The following COL6A5 variants were observed in gnomAD, a reference collection of about 807,000 sequenced individuals.
COL6A5 encodes the protein collagen type VI alpha 5 chain.
A neutral mutation model predicts 65.6 loss-of-function variants in COL6A5; 48 were observed. The ratio of observed to expected loss-of-function variants is 0.73; its 90% CI spans 0.58 to 0.93. The LOEUF is 0.93. Among genes scored for constraint, COL6A5 ranks in the 40% least tolerant of loss-of-function variants. The pLI, the probability that COL6A5 is intolerant of heterozygous loss-of-function variation, is 0.00. For synonymous variants in COL6A5, 291 were observed against 322.8 expected (o/e 0.90, Z 1.05); for missense variants, 914 against 928.3 (o/e 0.98, Z 0.20).
intron 7 of COL6A5, among the ~76,000 whole-genome samples, chr3:130,477,765 A>C (rs1710135674): frequency 6.6e-6 from 1 of 152,086 alleles, no homozygotes; most frequent in South Asian, 2.1e-4. Context: ...AGACTTCTTT[A>C]ATAGGGGTCC....
chr3:130,466,672 C>T (rs1709825060), intron 5 of COL6A5, among the ~76,000 whole-genome samples: 1 of 151,626 alleles, frequency 6.6e-6, no homozygotes, highest in Non-Finnish European at 1.5e-5. Flanking sequence ...TCAATAAACC[C>T]AAAAGTTGTT....
chr3:130,404,710 T>C (rs1338088767), intron 13 of COL6A5, among the ~76,000 whole-genome samples: 1 of 152,210 alleles, frequency 6.6e-6, no homozygotes, highest in Non-Finnish European at 1.5e-5. Flanking sequence ...CCTGTGGCCA[T>C]GGGCAAGGCC....
In COL6A5 at chr3:130,398,122, G is replaced by GTTT. The variant is rs1378073311; in HGVS notation, c.3991+13_3991+14insTTT. ...GGCTCAGAGAAGCAGGTATTGAGTTGTTGTTGTTTTTTTTTTTTTTTTTTT... is the reference window on the plus strand; with the variant it reads ...GGCTCAGAGAAGCAGGTATTGAGTTGTTTTTGTTGTTTTTTTTTTTTTTTTTTT... On this transcript the variant is annotated intron_variant and NMD_transcript_variant, in intron 10 of 41. Coordinates refer to the COL6A5 transcript ENST00000312481. 4.3e-6 allele frequency: 5 copies of GTTT among 1,161,734 alleles called. No homozygotes were observed. The highest frequency in any genetic ancestry group is 1.8e-5 in the African/African-American group (1 of 54,808). 72.0% of individuals were successfully genotyped at this position (1,161,734 alleles called of 1,614,324 possible). A position where few individuals can be genotyped will look rare whatever the true frequency, so the allele number is the denominator to read the frequency against.
intron 1 of COL6A5, among the ~76,000 whole-genome samples, chr3:130,355,869 C>T (rs1244148823): frequency 2.6e-5 from 4 of 151,850 alleles, no homozygotes; most frequent in Non-Finnish European, 4.4e-5. Flanking sequence ...AAAGCTGAAT[C>T]CAGCCACACA....
chr3:130,369,039 G>T (rs1370572081), intron 1 of COL6A5, among the ~76,000 whole-genome samples: 1 of 152,176 alleles, frequency 6.6e-6, no homozygotes, highest in Non-Finnish European at 1.5e-5. Flanking sequence ...CTAAAGCTGT[G>T]CCCTTCTCCC....
exon 1 of COL6A5, chr3:130,431,833 A>G (rs1305429628): frequency 1.3e-6 from 2 of 1,551,436 alleles, no homozygotes; most frequent in African/African-American, 2.7e-5. Flanking sequence ...GTTTTTTAGC[A>G]ATGGTCAAAC....
intron 7 of COL6A5, chr3:130,471,809 T>C: frequency 1.3e-6 from 2 of 1,535,272 alleles, no homozygotes; most frequent in Non-Finnish European, 1.7e-6. Context: ...AGCTACTGAT[T>C]TGATGCAGAA....
At chr3:130,364,156 ATTATAT>A (rs1216763957) in intron 1 of COL6A5, among the ~76,000 whole-genome samples, 3 of 152,200 alleles carry the variant, frequency 2.0e-5, no homozygotes, top group Non-Finnish European at 4.4e-5. Context: ...GAAGCCACAT[ATTATAT>A]TTGTGATTTT....
At chr3:130,409,959 A>C in intron 18 of COL6A5, 50 bp from the exon 19 acceptor site, 1 of 1,314,684 alleles carries the variant, frequency 7.6e-7, no homozygotes, top group Non-Finnish European at 1.1e-6. Context: ...GTTTTGGGGA[A>C]AAAGCTGATA....
intron 24 of COL6A5, among the ~76,000 whole-genome samples, 198 bp from the exon 25 acceptor site, chr3:130,418,671 C>A (rs561771375): frequency 6.6e-6 from 1 of 152,148 alleles, no homozygotes; most frequent in South Asian, 2.1e-4. Context: ...AGCAGCACAC[C>A]AGTCCAGCTC....
intron 3 of COL6A5, among the ~76,000 whole-genome samples, chr3:130,441,327 C>G (rs776142677): frequency 2.6e-4 from 40 of 152,190 alleles, no homozygotes; most frequent in Non-Finnish European, 4.8e-4. Context: ...TTCTACATTT[C>G]TAACAGATAC....
chr3:130,455,792 T>A, intron 5 of COL6A5, 126 bp downstream of exon 37: 1 of 678,456 alleles, frequency 1.5e-6, no homozygotes, highest in Non-Finnish European at 2.5e-6. Context: ...TTCATTATGG[T>A]AGATACAACT....
chr3:130,359,712 G>T (rs1310002918), intron 1 of COL6A5, among the ~76,000 whole-genome samples: 1 of 152,046 alleles, frequency 6.6e-6, no homozygotes, highest in Non-Finnish European at 1.5e-5. Context: ...AGGTGGTTCT[G>T]CAGTCATGCT....
intron 1 of COL6A5, among the ~76,000 whole-genome samples, chr3:130,433,615 C>G (rs1937911635): frequency 1.3e-5 from 2 of 152,112 alleles, no homozygotes; most frequent in African/African-American, 2.4e-5. Context: ...TCTCTCAATT[C>G]CCTCCTTCCA....
chr3:130,348,653 G>A (rs2107609365), intron 1 of COL6A5, among the ~76,000 whole-genome samples: 1 of 152,252 alleles, frequency 6.6e-6, no homozygotes, highest in South Asian at 2.1e-4. Context: ...TGAGATCGCT[G>A]AGTCAATTGG....
chr3:130,398,622 T>C (rs541947411), intron 10 of COL6A5, among the ~76,000 whole-genome samples: 2 of 152,292 alleles, frequency 1.3e-5, no homozygotes, highest in South Asian at 2.1e-4. Flanking sequence ...CTTAGACTTA[T>C]GACCTTCTAT....
intron 5 of COL6A5, 62 bp downstream of exon 37, chr3:130,455,728 C>A: frequency 7.6e-7 from 1 of 1,313,480 alleles, no homozygotes; most frequent in South Asian, 1.3e-5. Context: ...TCTTTTAACA[C>A]TAGTAGAAAA....
At chr3:130,364,435 T>C (rs1304010782) in intron 1 of COL6A5, among the ~76,000 whole-genome samples, 2 of 152,042 alleles carry the variant, frequency 1.3e-5, no homozygotes, top group African/African-American at 4.8e-5. Context: ...AAAGTTTCAG[T>C]GGAGATAGCA....
At chr3:130,450,588 G>A (rs567334549) in intron 4 of COL6A5, among the ~76,000 whole-genome samples, 16 of 152,228 alleles carry the variant, frequency 1.1e-4, no homozygotes, top group South Asian at 4.1e-4. Flanking sequence ...AAATTTTGTC[G>A]TTGGACAGAA....
Sources: gnomAD v4.1 joint callset for allele counts (sites outside exome capture counted in the v4.1 genomes callset) on GRCh38, gnomAD v4.1.1 for gene constraint, MANE v1.5 for transcripts, NCBI Gene and HGNC (gene_info 2026-07-23, HGNC 2026-07-21) for gene names.